The following EBF3 variants were observed in gnomAD, a reference collection of about 807,000 sequenced individuals.
EBF3 encodes EBF transcription factor 3, also known as transcription factor COE3.
In EBF3, 18 loss-of-function variants were observed where a neutral mutation model predicts 77.1. The observed-to-expected ratio is 0.23, with a 90% confidence interval of 0.16 to 0.35. The LOEUF (loss-of-function observed/expected upper bound fraction) is 0.35. Among genes scored for constraint, EBF3 ranks in the 10% least tolerant of loss-of-function variants. EBF3 has a pLI of 1.00. For missense variants in EBF3, 558 were observed against 860.0 expected, an observed-to-expected ratio of 0.65 and a Z score of 4.39; for synonymous variants, 350 against 343.5, an observed-to-expected ratio of 1.02 and a Z score of -0.21.
intron 6 of EBF3, among the ~76,000 whole-genome samples, chr10:129,919,961 C>T (rs1395654506): frequency 5.3e-5 from 8 of 151,206 alleles, no homozygotes; most frequent in Admixed American, 1.3e-4. Context: ...AAGCCCACCC[C>T]GCTGTGCAGT....
Position 129,837,943 on chromosome 10 carries a change from C to G in EBF3, c.1890G>C (p.Ter630TyrextTer26). Residue 630 changes from the stop codon to tyrosine (Y), a stop_lost, in exon 17 of 17, where the codon TAG (stop) becomes TAC (tyrosine). Transcript: ENST00000440978. The stretch of plus-strand genomic sequence containing the variant: ...ACAGAAGTCCCTCACATTGGCGGGA[C>G]TACCAGCCCAGACATAGCTGCAAGA... ...KGTGKLCLGW[*>Y] 1 of 1,614,096 alleles carries G rather than the reference C, an allele frequency of 6.2e-7. No individual in the cohort carries two copies. Among genetic ancestry groups the G allele is most frequent in the East Asian group, 2.2e-5 (1 of 44,856 alleles).
rs992889078 is a variant in EBF3, at chr10:129,935,822, G to T, written c.554+21436C>A. Reference sequence around the variant, plus strand: ...AGGCAAAGCCAAGGGCATAGAATGTGGGCTGGGGACAGGAGAGGCCAAGAC... The same window carrying T: ...AGGCAAAGCCAAGGGCATAGAATGTTGGCTGGGGACAGGAGAGGCCAAGAC... On this transcript the variant is annotated intron_variant, in intron 6 of 16. Coordinates refer to ENST00000440978, the MANE Select transcript of EBF3 (RefSeq NM_001375380.1). The surrounding 1 kb of genome is among the most constrained non-coding windows in gnomAD (Gnocchi z 4.2). Among the ~76,000 whole-genome samples the T allele has an allele frequency of 2.0e-5, 3 of 152,224 alleles. No individual in the cohort carries two copies. In the South Asian group the frequency reaches 6.2e-4, roughly 32 times the overall value.
At chr10:129,853,547 T>C (rs1052064976) in intron 10 of EBF3, among the ~76,000 whole-genome samples, 8 of 152,210 alleles carry the variant, frequency 5.3e-5, no homozygotes, top group Non-Finnish European at 1.2e-4. Flanking sequence ...TAAGAACATC[T>C]GCAGTTCCTT....
In EBF3 at chr10:129,861,164, C is replaced by T. The variant is rs1054707084; in HGVS notation, c.1039+5977G>A. On this transcript the variant is annotated intron_variant, in intron 10 of 16. Coordinates refer to ENST00000440978, the MANE Select transcript of EBF3 (RefSeq NM_001375380.1). The surrounding 1 kb of genome is among the most constrained non-coding windows in gnomAD (Gnocchi z 4.3). Reference sequence around the variant, plus strand: ...ATCATGGTTTGGGTTGATGCTGTGCCGTAGCAGTGGGGAGGACAGCGGTGG... The same window carrying T: ...ATCATGGTTTGGGTTGATGCTGTGCTGTAGCAGTGGGGAGGACAGCGGTGG... 2.0e-5 allele frequency among the ~76,000 whole-genome samples: 3 copies of T among 152,146 alleles called. No homozygotes were observed. Among genetic ancestry groups the T allele is most frequent in the African/African-American group, 7.2e-5 (3 of 41,426 alleles).
intron 6 of EBF3, among the ~76,000 whole-genome samples, chr10:129,946,209 T>C (rs569072970): frequency 2.0e-5 from 3 of 152,364 alleles, no homozygotes; most frequent in African/African-American, 7.2e-5. Context: ...GGACCCGCCC[T>C]GGCGACTGGT....
intron 6 of EBF3, among the ~76,000 whole-genome samples, chr10:129,913,035 A>C (rs1589843412): frequency 6.6e-6 from 1 of 152,154 alleles, no homozygotes; most frequent in African/African-American, 2.4e-5. Flanking sequence ...TGAGCAAAAA[A>C]CCGAAATGTT....
chr10:129,929,408 G>C (rs915825143), intron 6 of EBF3, among the ~76,000 whole-genome samples: 8 of 152,028 alleles, frequency 5.3e-5, no homozygotes, highest in Non-Finnish European at 1.2e-4. Flanking sequence ...GTTTCACCAT[G>C]TTGCCCAGGT....
chr10:129,874,097 G>A (rs746653715), intron 7 of EBF3, among the ~76,000 whole-genome samples: 3 of 152,298 alleles, frequency 2.0e-5, no homozygotes, highest in African/African-American at 4.8e-5. Flanking sequence ...ATCAGGAAAC[G>A]ATCCCTGGGT....
intron 16 of EBF3, 66 bp from the exon 17 acceptor site, chr10:129,838,026 G>A (rs546422756): frequency 8.8e-5 from 140 of 1,596,984 alleles, no homozygotes; most frequent in Admixed American, 1.5e-4. Context: ...CAACGCTGAC[G>A]CGGGCGGGGC....
chr10:129,958,911 G>A (rs750797234), intron 5 of EBF3, 23 bp downstream of exon 5: 1 of 1,581,458 alleles, frequency 6.3e-7, no homozygotes. Flanking sequence ...CCGCGCCCCC[G>A]CCGCCCGCCG....
At chr10:129,839,458 G>T (rs952833335) in intron 15 of EBF3, among the ~76,000 whole-genome samples, 1 of 152,252 alleles carries the variant, frequency 6.6e-6, no homozygotes, top group African/African-American at 2.4e-5. Flanking sequence ...GCTCAGATGG[G>T]CCAGGCGCTG....
intron 6 of EBF3, among the ~76,000 whole-genome samples, chr10:129,893,671 G>A (rs1042343640): frequency 7.9e-5 from 12 of 152,186 alleles, no homozygotes; most frequent in Admixed American, 5.2e-4. Context: ...CGCCGGGAAC[G>A]AGCCTCTCCA....
chr10:129,922,524 A>T (rs1856381389), intron 6 of EBF3, among the ~76,000 whole-genome samples: 1 of 152,324 alleles, frequency 6.6e-6, no homozygotes, highest in East Asian at 1.9e-4. Context: ...GTCTGGGTTT[A>T]GGGGAGCTTT....
chr10:129,890,295 T>G (rs1289633376), intron 6 of EBF3, among the ~76,000 whole-genome samples: 2 of 152,210 alleles, frequency 1.3e-5, no homozygotes, highest in Non-Finnish European at 2.9e-5. Flanking sequence ...CCCTGAACTG[T>G]GGCCTGGACT....
At chr10:129,895,472 C>A (rs1303323843) in intron 6 of EBF3, among the ~76,000 whole-genome samples, 1 of 152,208 alleles carries the variant, frequency 6.6e-6, no homozygotes, top group Non-Finnish European at 1.5e-5. Context: ...CTCCCTTGTT[C>A]CCATGGGCAG....
chr10:129,837,899 T>C lies in EBF3; in HGVS notation c.*44A>G. 6.2e-7 allele frequency: 1 copy of C among 1,614,196 alleles called. No homozygotes were observed. The highest frequency in any genetic ancestry group is 8.5e-7 in the Non-Finnish European group (1 of 1,179,998). ...TCCCCTGAAGTCCGTCCTTTGATGC[T>C]GGGTGCTGCGGAAGGTAAACAGAAG... On this transcript the variant is annotated 3_prime_UTR_variant, in exon 17 of 17. Transcript: ENST00000440978.
At chr10:129,959,357 G>C (rs1009959056) in intron 4 of EBF3, among the ~76,000 whole-genome samples, 1 of 151,910 alleles carries the variant, frequency 6.6e-6, no homozygotes, top group South Asian at 2.1e-4. Flanking sequence ...CACCGACCCC[G>C]GAACCCGGGG....
At chr10:129,853,969 T>G (rs1237321068) in intron 10 of EBF3, among the ~76,000 whole-genome samples, 2 of 152,242 alleles carry the variant, frequency 1.3e-5, no homozygotes, top group Non-Finnish European at 2.9e-5. Context: ...TCTGTCCTGC[T>G]GTTTCTCCAG....
rs1858747203 is a variant in EBF3 at position 129,952,525 on chromosome 10, T to C, written c.554+4733A>G. Among the ~76,000 whole-genome samples, 2 of 152,256 alleles carry C rather than the reference T, an allele frequency of 1.3e-5. No individual in the cohort carries two copies. Among genetic ancestry groups the C allele is most frequent in the African/African-American group, 4.8e-5 (2 of 41,474 alleles). On this transcript the variant is annotated intron_variant, in intron 6 of 16. Transcript: ENST00000440978. The surrounding 1 kb of genome is among the most constrained non-coding windows in gnomAD (Gnocchi z 4.7). ...CAGATCCTCATTTACATAGCATTTTTAACAAAAGCGTTGACCTTATAAATG... is the reference window on the plus strand; with the variant it reads ...CAGATCCTCATTTACATAGCATTTTCAACAAAAGCGTTGACCTTATAAATG...
Sources: allele counts gnomAD v4.1 joint callset (sites outside exome capture counted in the v4.1 genomes callset), GRCh38; gene constraint gnomAD v4.1.1; non-coding constraint Gnocchi (gnomAD v3.1); transcripts MANE v1.5; gene names NCBI Gene and HGNC (gene_info 2026-07-23, HGNC 2026-07-21).